TTC39B: variants seen among roughly 807,000 people sequenced by gnomAD.
TTC39B encodes the protein tetratricopeptide repeat domain 39B.
TTC39B carries 92 observed loss-of-function variants against 96.6 expected under a neutral mutation model. The observed-to-expected ratio is 0.95, with a 90% CI of 0.80 to 1.13. TTC39B has a LOEUF of 1.13. TTC39B is among the 50% of genes most tolerant of loss of function. TTC39B has a pLI of 0.00. For missense variants in TTC39B, 955 were observed against 809.3 expected, an observed-to-expected ratio of 1.18 and a Z score of -2.18; for synonymous variants, 367 against 299.4, an observed-to-expected ratio of 1.23 and a Z score of -2.33.
intron 3 of TTC39B, among the ~76,000 whole-genome samples, chr9:15,216,691 G>A (rs1018589500): frequency 7.2e-5 from 11 of 152,042 alleles, no homozygotes; most frequent in Admixed American, 3.3e-4. Flanking sequence ...TTTCCCCATC[G>A]CCTACCTCTG....
At chr9:15,266,791 G>C (rs1823147886) in intron 2 of TTC39B, among the ~76,000 whole-genome samples, 2 of 152,022 alleles carry the variant, frequency 1.3e-5, no homozygotes, top group Admixed American at 6.6e-5. Flanking sequence ...TATAAGAAAG[G>C]ACATCAGGCA....
intron 2 of TTC39B, among the ~76,000 whole-genome samples, chr9:15,227,018 A>C (rs945973252): frequency 1.3e-5 from 2 of 152,060 alleles, no homozygotes; most frequent in African/African-American, 4.8e-5. Context: ...TTTAATTCTA[A>C]GATGTACAAT....
chr9:15,236,411 T>C (rs1342988946), intron 2 of TTC39B, among the ~76,000 whole-genome samples: 1 of 152,166 alleles, frequency 6.6e-6, no homozygotes, highest in Non-Finnish European at 1.5e-5. Flanking sequence ...ACTAGACAGA[T>C]CATCGAGGCA....
At chr9:15,247,187 C>G (rs949244523) in intron 2 of TTC39B, among the ~76,000 whole-genome samples, 2 of 152,070 alleles carry the variant, frequency 1.3e-5, no homozygotes, top group Non-Finnish European at 2.9e-5. Flanking sequence ...CTTGGATATA[C>G]GAAGATCCAC....
chr9:15,191,656 T>A (rs1818863459), intron 9 of TTC39B, among the ~76,000 whole-genome samples: 1 of 152,184 alleles, frequency 6.6e-6, no homozygotes, highest in African/African-American at 2.4e-5. Context: ...GCTGCAGCAC[T>A]ACCACTTCTC....
rs1247199762 is a variant in TTC39B, at chr9:15,195,179, T to A, written c.825-2484A>T. ...TGATAAGAAAACAAAACAGCCCTGT[T>A]GCTGATATGGAGAAAGCTGTAGTGG... On this transcript the variant is annotated intron_variant, in intron 8 of 19. Coordinates refer to ENST00000512701, the Ensembl canonical transcript of TTC39B. Among the ~76,000 whole-genome samples, 3 of 152,204 alleles carry A rather than the reference T, an allele frequency of 2.0e-5. No individual in the cohort carries two copies. The East Asian group carries it at 5.8e-4, about 29-fold the overall frequency.
chr9:15,224,490 C>G (rs927823859), intron 3 of TTC39B: 4 of 152,348 alleles, frequency 2.6e-5, no homozygotes, highest in Admixed American at 2.0e-4. Flanking sequence ...ATTCTCTTCT[C>G]TTTTGTTATG....
At position 15,182,289 on chromosome 9, in the gene TTC39B, C is replaced by T; in HGVS notation, c.1723+18G>A. On this transcript the variant is annotated intron_variant, in intron 17 of 19. Transcript: ENST00000512701. ...GAGCAGAGACAAAGGCTCCTCGGTGCTTACTGTGTATACTTACTTTGACTT... is the reference window on the plus strand; with the variant it reads ...GAGCAGAGACAAAGGCTCCTCGGTGTTTACTGTGTATACTTACTTTGACTT... The T allele has an allele frequency of 6.5e-7, 1 of 1,538,876 alleles. No homozygotes were observed. Among genetic ancestry groups the T allele is most frequent in the East Asian group, 2.3e-5 (1 of 43,442 alleles).
chr9:15,187,805 C>T (rs1474009844), intron 14 of TTC39B, among the ~76,000 whole-genome samples, 166 bp downstream of exon 14: 1 of 152,218 alleles, frequency 6.6e-6, no homozygotes, highest in Non-Finnish European at 1.5e-5. Flanking sequence ...ATGCTGAGGA[C>T]AGTACCTATA....
intron 1 of TTC39B, among the ~76,000 whole-genome samples, chr9:15,271,091 T>A (rs1823333995): frequency 6.6e-6 from 1 of 150,728 alleles, no homozygotes; most frequent in Non-Finnish European, 1.5e-5. Context: ...ATTTTATTAA[T>A]GTCAATACAA....
chr9:15,235,722 T>C (rs548704513), intron 2 of TTC39B, among the ~76,000 whole-genome samples: 7 of 152,152 alleles, frequency 4.6e-5, no homozygotes, highest in African/African-American at 1.7e-4. Flanking sequence ...CTAAGCTTCA[T>C]CAATGAAGAA....
chr9:15,175,237 T>C (rs997398946), intron 18 of TTC39B, 102 bp from the exon 19 acceptor site: 108 of 777,662 alleles, frequency 1.4e-4, no homozygotes, highest in Middle Eastern at 1.3e-3. Flanking sequence ...TGTGCAGCAC[T>C]AAGTCTATTA....
intron 1 of TTC39B, among the ~76,000 whole-genome samples, chr9:15,302,281 A>G (rs368184747): frequency 2.0e-5 from 3 of 151,154 alleles, no homozygotes; most frequent in East Asian, 3.9e-4. Flanking sequence ...AGCCAAGATC[A>G]TGCCACTGCA....
At chr9:15,279,112 G>A (rs941097907) in intron 1 of TTC39B, among the ~76,000 whole-genome samples, 4 of 152,228 alleles carry the variant, frequency 2.6e-5, no homozygotes, top group Admixed American at 6.5e-5. Flanking sequence ...ACTTAGCACA[G>A]TATCAACAAA....
At chr9:15,241,208 G>A (rs1210953327) in intron 2 of TTC39B, among the ~76,000 whole-genome samples, 1 of 151,816 alleles carries the variant, frequency 6.6e-6, no homozygotes, top group African/African-American at 2.4e-5. Flanking sequence ...ATAACTGTTT[G>A]AACAGCTTCT....
At chr9:15,215,853 G>C (rs1438812301) in intron 3 of TTC39B, among the ~76,000 whole-genome samples, 1 of 152,082 alleles carries the variant, frequency 6.6e-6, no homozygotes, top group African/African-American at 2.4e-5. Flanking sequence ...AACAGAACGA[G>C]ACGCTATCTC....
intron 1 of TTC39B, among the ~76,000 whole-genome samples, chr9:15,277,662 A>G (rs1823597002): frequency 6.6e-6 from 1 of 152,210 alleles, no homozygotes; most frequent in African/African-American, 2.4e-5. Context: ...TCATGAGTAA[A>G]GCAGAGAGGC....
chr9:15,215,944 C>G (rs542576046), intron 3 of TTC39B, among the ~76,000 whole-genome samples: 1 of 152,308 alleles, frequency 6.6e-6, no homozygotes, highest in African/African-American at 2.4e-5. Flanking sequence ...TTCCATCCCA[C>G]CAACCTCTTC....
At chr9:15,270,101 C>T (rs978228598) in intron 1 of TTC39B, among the ~76,000 whole-genome samples, 1 of 151,484 alleles carries the variant, frequency 6.6e-6, no homozygotes, top group Non-Finnish European at 1.5e-5. Context: ...ACTCAGGAGG[C>T]GGAGCTTGCA....
Sources: gnomAD v4.1 joint callset for allele counts (sites outside exome capture counted in the v4.1 genomes callset) on GRCh38, gnomAD v4.1.1 for gene constraint, MANE v1.5 for transcripts, NCBI Gene and HGNC (gene_info 2026-07-23, HGNC 2026-07-21) for gene names.